Variants in ASAP1 observed in about 807,000 individuals in gnomAD.
ASAP1 encodes ArfGAP with SH3 domain, ankyrin repeat and PH domain 1, also known as arf-GAP with SH3 domain, ANK repeat and PH domain-containing protein 1.
A neutral mutation model predicts 145.2 loss-of-function variants in ASAP1; 43 were observed. That is an observed-to-expected ratio of 0.30 (90% CI 0.23 to 0.38). The LOEUF is 0.38. Among genes scored for constraint, ASAP1 ranks in the 10% least tolerant of loss-of-function variants. ASAP1 has a pLI of 1.00. For missense variants in ASAP1, 1,018 were observed against 1,355.3 expected (o/e 0.75, Z 3.91); for synonymous variants, 546 against 515.5 (o/e 1.06, Z -0.80).
intron 28 of ASAP1, among the ~76,000 whole-genome samples, chr8:130,058,436 C>A (rs537959175): frequency 6.6e-6 from 1 of 152,288 alleles, no homozygotes; most frequent in African/African-American, 2.4e-5. Flanking sequence ...AGAATGACAG[C>A]AGAGTCTAAA....
chr8:130,090,114 G>GGA (rs2097502421), intron 25 of ASAP1, among the ~76,000 whole-genome samples: 1 of 152,136 alleles, frequency 6.6e-6, no homozygotes, highest in South Asian at 2.1e-4. Flanking sequence ...AACAATGGGG[G>GGA]GAAAAACGGC....
chr8:130,084,472 G>C (rs2097488298), intron 25 of ASAP1: 1 of 152,226 alleles, frequency 6.6e-6, no homozygotes, highest in South Asian at 2.1e-4. Context: ...CTCCTGGGCA[G>C]GCAATGGAAG....
At chr8:130,178,131 G>T (rs141469782) in intron 9 of ASAP1, among the ~76,000 whole-genome samples, 11 of 152,264 alleles carry the variant, frequency 7.2e-5, no homozygotes, top group African/African-American at 2.6e-4. Context: ...CTATTGAAAA[G>T]AATAAGAAAG....
chr8:130,343,495 C>T (rs964089595), intron 3 of ASAP1, among the ~76,000 whole-genome samples: 1 of 152,220 alleles, frequency 6.6e-6, no homozygotes, highest in Non-Finnish European at 1.5e-5. Flanking sequence ...AAATCGAGAC[C>T]TCAAAGCTGT....
chr8:130,273,411 A>C (rs1820699015), intron 3 of ASAP1, among the ~76,000 whole-genome samples: 1 of 152,164 alleles, frequency 6.6e-6, no homozygotes, highest in Admixed American at 6.6e-5. Context: ...GGGGAAAGTA[A>C]GGAAGCAAAG....
At chr8:130,369,051 G>C (rs1183717151) in intron 2 of ASAP1, among the ~76,000 whole-genome samples, 2 of 152,202 alleles carry the variant, frequency 1.3e-5, no homozygotes, top group Non-Finnish European at 2.9e-5. Flanking sequence ...GTAAAATGGG[G>C]ATAATGATAT....
chr8:130,308,283 C>T (rs912127198), intron 3 of ASAP1, among the ~76,000 whole-genome samples: 2 of 152,138 alleles, frequency 1.3e-5, no homozygotes, highest in African/African-American at 2.4e-5. Flanking sequence ...ACTCCAAACT[C>T]GAAAATAACC....
chr8:130,410,978 A>G (rs151004377), intron 1 of ASAP1, among the ~76,000 whole-genome samples: 1 of 152,280 alleles, frequency 6.6e-6, no homozygotes, highest in African/African-American at 2.4e-5. Flanking sequence ...CTCCTGCCTC[A>G]GCCTCCCAAG....
intron 3 of ASAP1, among the ~76,000 whole-genome samples, chr8:130,331,813 T>G (rs946888663): frequency 6.6e-6 from 1 of 151,880 alleles, no homozygotes; most frequent in Non-Finnish European, 1.5e-5. Context: ...CACACACACA[T>G]GCAAACACAC....
intron 2 of ASAP1, among the ~76,000 whole-genome samples, chr8:130,373,157 CATCTT>C (rs1351762282): frequency 1.4e-5 from 2 of 145,560 alleles, no homozygotes; most frequent in Non-Finnish European, 3.0e-5. Flanking sequence ...CACAGAGTCT[CATCTT>C]TTCTGGAAAA....
At chr8:130,100,389 G>A (rs994836936) in intron 24 of ASAP1, among the ~76,000 whole-genome samples, 2 of 151,952 alleles carry the variant, frequency 1.3e-5, no homozygotes, top group African/African-American at 4.8e-5. Context: ...GAGTGCAATG[G>A]TGTGTTCTCG....
At chr8:130,095,571 G>T (rs1014059293) in intron 24 of ASAP1, among the ~76,000 whole-genome samples, 10 of 151,056 alleles carry the variant, frequency 6.6e-5, no homozygotes, top group Admixed American at 5.9e-4. Flanking sequence ...AAAGTGCTTG[G>T]ATTACAGGCG....
chr8:130,238,538 C>A (rs1287431163), intron 3 of ASAP1, among the ~76,000 whole-genome samples: 1 of 152,082 alleles, frequency 6.6e-6, no homozygotes, highest in African/African-American at 2.4e-5. Context: ...TCCTAAGTAA[C>A]ACTAGAACTA....
intron 9 of ASAP1, 35 bp from the exon 10 acceptor site, chr8:130,169,102 A>T (rs763690898): frequency 8.0e-7 from 1 of 1,251,018 alleles, no homozygotes; most frequent in South Asian, 1.3e-5. Context: ...TACCACCAGT[A>T]TAAAAAAAAA....
In ASAP1 at chr8:130,060,766, G is replaced by A. The variant is rs749998843; in HGVS notation, c.3005C>T (p.Ser1002Phe). ...CTTGGGTGAGACATCTCCAGTCTGGGATTTTGCTAGCAGGTCTCCCAGCTG... is the reference window on the plus strand; with the variant it reads ...CTTGGGTGAGACATCTCCAGTCTGGAATTTTGCTAGCAGGTCTCCCAGCTG... ...KPQLGDLLAK[S>F]QTGDVSPKAQ... is the part of the protein sequence containing the mutation. Residue 1002 changes from serine (S) to phenylalanine (F), a missense_variant, in exon 28 of 30, where the codon TCC (serine) becomes TTC (phenylalanine). This residue lies in a region of ASAP1 where 139 missense variants were observed against 131.0 expected (regional missense o/e 1.06). Coordinates refer to ENST00000518721, the MANE Select transcript of ASAP1 (RefSeq NM_018482.4). 4 of 1,614,164 alleles carry A rather than the reference G, an allele frequency of 2.5e-6. No individual in the cohort carries two copies. Among genetic ancestry groups the A allele is most frequent in the South Asian group, 2.2e-5 (2 of 91,086 alleles).
At chr8:130,099,402 G>A (rs890455816) in intron 24 of ASAP1, among the ~76,000 whole-genome samples, 1 of 151,874 alleles carries the variant, frequency 6.6e-6, no homozygotes, top group Non-Finnish European at 1.5e-5. Flanking sequence ...GGATGGTCTC[G>A]ATCTCCTGAC....
At chr8:130,329,971 G>C (rs1824576280) in intron 3 of ASAP1, among the ~76,000 whole-genome samples, 1 of 152,184 alleles carries the variant, frequency 6.6e-6, no homozygotes, top group Non-Finnish European at 1.5e-5. Flanking sequence ...CCCACAAAGG[G>C]AGGGATGTTT....
intron 5 of ASAP1, among the ~76,000 whole-genome samples, chr8:130,205,984 AAT>A (rs779530408): frequency 7.9e-5 from 12 of 152,170 alleles, no homozygotes; most frequent in Non-Finnish European, 1.6e-4. Context: ...ACTACTCTTA[AAT>A]ATTAACAGAA....
chr8:130,139,208 G>C (rs907183175), intron 13 of ASAP1, among the ~76,000 whole-genome samples: 4 of 152,128 alleles, frequency 2.6e-5, no homozygotes, highest in African/African-American at 9.7e-5. Context: ...TACAGAGGAG[G>C]GAAAGCTAGG....
Sources: gnomAD v4.1 joint callset for allele counts (sites outside exome capture counted in the v4.1 genomes callset) on GRCh38, gnomAD v4.1.1 for gene constraint, gnomAD v4.1.1 regional missense constraint, MANE v1.5 for transcripts, NCBI Gene and HGNC (gene_info 2026-07-23, HGNC 2026-07-21) for gene names.